RIMS4: variants seen among roughly 807,000 people sequenced by gnomAD.
The protein encoded by RIMS4 is regulating synaptic membrane exocytosis 4, also known as regulating synaptic membrane exocytosis protein 4.
In RIMS4, 9 loss-of-function variants were observed where a neutral mutation model predicts 29.0. The ratio of observed to expected loss-of-function variants is 0.31; its 90% CI spans 0.19 to 0.54. The LOEUF (loss-of-function observed/expected upper bound fraction) is 0.54. Ranked by LOEUF, RIMS4 falls within the 20% of genes least tolerant of loss-of-function variation. The pLI, the probability that RIMS4 is intolerant of heterozygous loss-of-function variation, is 0.94. For missense variants in RIMS4, 193 were observed against 365.7 expected (o/e 0.53, Z 3.85); for synonymous variants, 130 against 152.9 (o/e 0.85, Z 1.10).
At chr20:44,788,937 A>C (rs558346051) in intron 1 of RIMS4, among the ~76,000 whole-genome samples, 2 of 152,270 alleles carry the variant, frequency 1.3e-5, no homozygotes, top group South Asian at 4.2e-4. Flanking sequence ...TGTTGAATTT[A>C]CCATGAAAAT....
intron 1 of RIMS4, among the ~76,000 whole-genome samples, chr20:44,783,883 T>A (rs1601034327): frequency 6.6e-6 from 1 of 152,180 alleles, no homozygotes; most frequent in South Asian, 2.1e-4. Context: ...TATTCTACAA[T>A]TGACTGTGGT....
intron 1 of RIMS4, among the ~76,000 whole-genome samples, chr20:44,777,717 G>T (rs1009343071): frequency 9.2e-5 from 14 of 152,148 alleles, no homozygotes; most frequent in African/African-American, 3.4e-4. Flanking sequence ...TTGAAGATGG[G>T]CATTATCAGC....
chr20:44,771,957 C>G (rs2066139433), intron 1 of RIMS4, among the ~76,000 whole-genome samples: 1 of 152,064 alleles, frequency 6.6e-6, no homozygotes, highest in African/African-American at 2.4e-5. Flanking sequence ...CAGACATTGC[C>G]AAATAGCCCC....
intron 1 of RIMS4, among the ~76,000 whole-genome samples, chr20:44,786,534 G>C (rs1345945799): frequency 6.6e-6 from 1 of 152,220 alleles, no homozygotes; most frequent in Non-Finnish European, 1.5e-5. Context: ...CATTGAACAA[G>C]ACAGATGGGG....
chr20:44,802,683 CA>C (rs1363654034), intron 1 of RIMS4, among the ~76,000 whole-genome samples: 1 of 152,210 alleles, frequency 6.6e-6, no homozygotes, highest in Non-Finnish European at 1.5e-5. Flanking sequence ...AACAGGGATT[CA>C]GGGGGCATGA....
chr20:44,764,255 C>CATCCATGCATCCATCCATCCATCCATT (rs1325046131), intron 2 of RIMS4, among the ~76,000 whole-genome samples: 1 of 144,322 alleles, frequency 6.9e-6, no homozygotes, highest in African/African-American at 2.6e-5. Flanking sequence ...TCCATCCATC[C>CATCCATGCATCCATCCATCCATCCATT]TCCCACAAAC....
chr20:44,774,911 C>T (rs983488766), intron 1 of RIMS4, among the ~76,000 whole-genome samples: 17 of 152,240 alleles, frequency 1.1e-4, no homozygotes, highest in Non-Finnish European at 2.5e-4. Context: ...AACTAACTTC[C>T]TCGGAGAACA....
At position 44,756,491 on chromosome 20, in the gene RIMS4, C is replaced by A. The variant is rs777313589; in HGVS notation, c.592-139G>T. 1 of 684,508 alleles carries A rather than the reference C, an allele frequency of 1.5e-6. No homozygotes were observed. Among genetic ancestry groups the A allele is most frequent in the Admixed American group, 2.4e-5 (1 of 41,642 alleles). 42.4% of individuals were successfully genotyped at this position (684,508 alleles called of 1,614,324 possible). ...CTTAAAACTGCAATTCCTCAACAGG[C>A]CTTTCTTATCACGGGGCATCACACC... On this transcript the variant is annotated intron_variant, in intron 5 of 5. Transcript: ENST00000372851. The surrounding 1 kb of genome is among the most constrained non-coding windows in gnomAD (Gnocchi z 5.9).
At chr20:44,775,791 C>A (rs1001378182) in intron 1 of RIMS4, among the ~76,000 whole-genome samples, 1 of 152,244 alleles carries the variant, frequency 6.6e-6, no homozygotes, top group African/African-American at 2.4e-5. Context: ...GTTCAAAAAT[C>A]TTCACACAGG....
At chr20:44,781,549 A>T (rs905804263) in intron 1 of RIMS4, among the ~76,000 whole-genome samples, 18 of 152,144 alleles carry the variant, frequency 1.2e-4, no homozygotes, top group African/African-American at 4.1e-4. Flanking sequence ...TGAAGAGGAA[A>T]ATGTGGAACC....
chr20:44,794,515 T>G (rs1444815505), intron 1 of RIMS4, among the ~76,000 whole-genome samples: 1 of 152,256 alleles, frequency 6.6e-6, no homozygotes, highest in Non-Finnish European at 1.5e-5. Flanking sequence ...CAAGAGTTCT[T>G]GACAAAGAGC....
At position 44,771,313 on chromosome 20, in the gene RIMS4, G is replaced by T. The variant is rs1325783975; in HGVS notation, c.198C>A (p.Ser66=). The change falls in exon 2 of 6, where the codon TCC becomes TCA. Residue 66 remains serine (S), a synonymous_variant. Transcript: ENST00000372851. ...CATAGCTGTTCATGCTGTCCTCAAT[G>T]GACTCGTGGCTGGCCTGGCGCAGTG... ...SRTLRQASHE[S]IEDSMNSYGS... is the part of the protein sequence containing the mutation. The T allele has an allele frequency of 2.5e-6, 4 of 1,613,910 alleles. No individual in the cohort carries two copies. Among genetic ancestry groups the T allele is most frequent in the Non-Finnish European group, 3.4e-6 (4 of 1,179,816 alleles).
chr20:44,771,336 G>A lies in RIMS4; in HGVS notation c.175C>T (p.Leu59=), dbSNP rs1349593531. 6.2e-7 allele frequency: 1 copy of A among 1,613,994 alleles called. No individual in the cohort carries two copies. Reference sequence around the variant, plus strand: ...ATGGACTCGTGGCTGGCCTGGCGCAGTGTCCGGCTGGGCATCTCCACTGCC... The same window carrying A: ...ATGGACTCGTGGCTGGCCTGGCGCAATGTCCGGCTGGGCATCTCCACTGCC... The part of the protein sequence containing the change: ...GLAVEMPSRT[L]RQASHESIED... Residue 59 remains leucine, a synonymous_variant, in exon 2 of 6, where the codon CTG becomes TTG. Transcript: ENST00000372851.
chr20:44,777,825 G>A (rs2066166864), intron 1 of RIMS4, among the ~76,000 whole-genome samples: 1 of 152,152 alleles, frequency 6.6e-6, no homozygotes, highest in African/African-American at 2.4e-5. Flanking sequence ...TGGTCAGTGT[G>A]AGTGTCCACT....
rs1762764209 is a variant in RIMS4, at chr20:44,753,188, G to C, written c.*2946C>G. ...CAACCTCTCAGATGGGCTACAGCTT[G>C]TCCTGCCCATCTTTTGGGGGGCCAT... On this transcript the variant is annotated 3_prime_UTR_variant, in exon 6 of 6. Coordinates refer to ENST00000372851, the MANE Select transcript of RIMS4 (RefSeq NM_182970.4). The C allele has an allele frequency of 6.5e-6, 1 of 152,808 alleles. No homozygotes were observed. The highest frequency in any genetic ancestry group is 1.9e-4 in the East Asian group (1 of 5,186). 9.5% of individuals were successfully genotyped at this position (152,808 alleles called of 1,614,324 possible). A position where few individuals can be genotyped will look rare whatever the true frequency, so the allele number is the denominator to read the frequency against.
intron 1 of RIMS4, among the ~76,000 whole-genome samples, chr20:44,782,879 G>A (rs1330280508): frequency 6.6e-6 from 1 of 152,158 alleles, no homozygotes; most frequent in African/African-American, 2.4e-5. Context: ...ACACCAAATG[G>A]TTTGTTCCAA....
chr20:44,807,658 T>G (rs1410602413), intron 1 of RIMS4, among the ~76,000 whole-genome samples: 1 of 152,146 alleles, frequency 6.6e-6, no homozygotes, highest in Non-Finnish European at 1.5e-5. Context: ...AGAAATCAGT[T>G]CAGTGCAGTG....
chr20:44,757,902 T>A, intron 3 of RIMS4, 131 bp from the exon 4 acceptor site: 1 of 963,794 alleles, frequency 1.0e-6, no homozygotes, highest in South Asian at 1.4e-5. Flanking sequence ...CAGAACCAAC[T>A]CCCACCAAGT....
chr20:44,764,895 C>T (rs2066107238), intron 2 of RIMS4, among the ~76,000 whole-genome samples: 1 of 152,200 alleles, frequency 6.6e-6, no homozygotes, highest in Non-Finnish European at 1.5e-5. Context: ...GACTTCTCAA[C>T]CATTCAAGGT....
Sources: gnomAD v4.1 joint callset for allele counts (sites outside exome capture counted in the v4.1 genomes callset) on GRCh38, gnomAD v4.1.1 for gene constraint, Gnocchi (gnomAD v3.1) non-coding constraint, MANE v1.5 for transcripts, NCBI Gene and HGNC (gene_info 2026-07-23, HGNC 2026-07-21) for gene names.